Variants in C13orf42 observed in about 807,000 individuals in gnomAD.
The protein encoded by C13orf42 is uncharacterized protein C13orf42.
intron 1 of C13orf42, among the ~76,000 whole-genome samples, chr13:51,149,445 G>A (rs1031794041): frequency 6.6e-6 from 1 of 152,142 alleles, no homozygotes; most frequent in African/African-American, 2.4e-5. Context: ...CAAATGGAGT[G>A]AGCTAGAAAT....
intron 1 of C13orf42, chr13:51,171,928 A>G (rs575331778): frequency 1.3e-5 from 2 of 152,324 alleles, no homozygotes; most frequent in South Asian, 4.1e-4. Context: ...GATATTAAAT[A>G]AAACTCCAAA....
At chr13:51,145,892 T>C (rs966697720) in intron 1 of C13orf42, among the ~76,000 whole-genome samples, 15 of 152,194 alleles carry the variant, frequency 9.9e-5, no homozygotes, top group Admixed American at 6.5e-5. Flanking sequence ...CAAGTTGTGC[T>C]CTGACCACCT....
intron 1 of C13orf42, among the ~76,000 whole-genome samples, chr13:51,138,323 C>T (rs945321786): frequency 6.6e-6 from 1 of 152,110 alleles, no homozygotes; most frequent in Admixed American, 6.5e-5. Context: ...TGCACATTTG[C>T]GTGTAGGTTA....
intron 1 of C13orf42, among the ~76,000 whole-genome samples, chr13:51,097,502 A>G (rs1232460975): frequency 6.6e-6 from 1 of 151,942 alleles, no homozygotes; most frequent in African/African-American, 2.4e-5. Context: ...TCTGGATTGA[A>G]CTCATGCTGA....
At chr13:51,156,468 A>G (rs2138043538) in intron 1 of C13orf42, among the ~76,000 whole-genome samples, 1 of 152,338 alleles carries the variant, frequency 6.6e-6, no homozygotes, top group South Asian at 2.1e-4. Flanking sequence ...GAACTTACCC[A>G]CATTTACACA....
chr13:51,162,584 TG>T (rs150756767), intron 1 of C13orf42, among the ~76,000 whole-genome samples: 3 of 152,342 alleles, frequency 2.0e-5, no homozygotes, highest in East Asian at 3.9e-4. Context: ...CGGTAATTTT[TG>T]TTGGATACTG....
intron 1 of C13orf42, among the ~76,000 whole-genome samples, chr13:51,148,727 C>T (rs1207059599): frequency 6.6e-6 from 1 of 152,228 alleles, no homozygotes; most frequent in African/African-American, 2.4e-5. Context: ...GAAGAACAAA[C>T]CCCCTAACTG....
intron 1 of C13orf42, among the ~76,000 whole-genome samples, chr13:51,150,480 C>T (rs913061851): frequency 6.6e-6 from 1 of 152,234 alleles, no homozygotes; most frequent in Non-Finnish European, 1.5e-5. Context: ...TCTGTTAACA[C>T]ACTCCTCCGT....
chr13:51,161,045 T>C (rs192082147), intron 1 of C13orf42, among the ~76,000 whole-genome samples: 34 of 142,062 alleles, frequency 2.4e-4, no homozygotes, highest in African/African-American at 8.2e-4. Flanking sequence ...GTAGAATTAA[T>C]AAGAGAGTTC....
chr13:51,142,854 GT>G (rs1372261606), intron 1 of C13orf42, among the ~76,000 whole-genome samples: 1 of 152,044 alleles, frequency 6.6e-6, no homozygotes, highest in Non-Finnish European at 1.5e-5. Flanking sequence ...GTAACTGGTT[GT>G]TTAAAAAGGA....
intron 1 of C13orf42, among the ~76,000 whole-genome samples, chr13:51,160,035 T>C (rs1055943220): frequency 6.6e-6 from 1 of 152,106 alleles, no homozygotes; most frequent in Non-Finnish European, 1.5e-5. Flanking sequence ...ATCTCGAGAA[T>C]AGCATGGGAA....
At chr13:51,086,551 A>C (rs535533533) in intron 2 of C13orf42, among the ~76,000 whole-genome samples, 3 of 152,118 alleles carry the variant, frequency 2.0e-5, no homozygotes, top group African/African-American at 7.2e-5. Context: ...TCAAAAAGAC[A>C]TATCCCCAAA....
chr13:51,084,232 A>T lies in C13orf42; in HGVS notation c.897T>A (p.Pro299=). ...ELFALEPQLS[P]GEDYYETENP... ...TCTCTGTCTCATAGTAGTCCTCCCC[A>T]GGAGACAACTGGGGCTCCAACGCAA... The change falls in exon 4 of 4, where the codon CCT becomes CCA. Residue 299 remains proline, a synonymous_variant. Coordinates refer to ENST00000563710, the MANE Select transcript of C13orf42 (RefSeq NM_001351589.3). The T allele has an allele frequency of 2.5e-6, 1 of 398,742 alleles. No individual in the cohort carries two copies. The highest frequency in any genetic ancestry group is 3.6e-5 in the East Asian group (1 of 28,080). 24.7% of individuals were successfully genotyped at this position (398,742 alleles called of 1,614,324 possible). A position where few individuals can be genotyped will look rare whatever the true frequency, so the allele number is the denominator to read the frequency against.
intron 1 of C13orf42, among the ~76,000 whole-genome samples, chr13:51,139,281 C>G (rs1354830649): frequency 2.0e-5 from 3 of 152,094 alleles, no homozygotes; most frequent in Non-Finnish European, 4.4e-5. Context: ...CGCCACTGTA[C>G]TCCAGCCTGG....
intron 1 of C13orf42, among the ~76,000 whole-genome samples, chr13:51,148,831 T>C (rs1403695742): frequency 2.0e-5 from 3 of 152,316 alleles, no homozygotes; most frequent in African/African-American, 7.2e-5. Context: ...TATTGACCGT[T>C]TGGGCTTGCT....
intron 1 of C13orf42, among the ~76,000 whole-genome samples, chr13:51,136,122 G>A (rs979562244): frequency 4.6e-5 from 7 of 151,928 alleles, no homozygotes; most frequent in Non-Finnish European, 7.4e-5. Flanking sequence ...GCCTCCCACT[G>A]GGCGACCCCA....
chr13:51,164,709 T>G (rs4942968), intron 1 of C13orf42, among the ~76,000 whole-genome samples: 2 of 152,012 alleles, frequency 1.3e-5, no homozygotes, highest in Admixed American at 6.5e-5. Context: ...TTGAAAACCA[T>G]GAAATTATTT....
At chr13:51,106,828 G>A (rs1272195819) in intron 1 of C13orf42, among the ~76,000 whole-genome samples, 1 of 152,124 alleles carries the variant, frequency 6.6e-6, no homozygotes, top group African/African-American at 2.4e-5. Flanking sequence ...ATTATGCCCT[G>A]GGTTAGAAAT....
At chr13:51,136,301 C>G (rs767730350) in intron 1 of C13orf42, among the ~76,000 whole-genome samples, 6 of 152,158 alleles carry the variant, frequency 3.9e-5, no homozygotes, top group Admixed American at 1.3e-4. Context: ...CAACCCACCC[C>G]CAAAATAAGA....
Sources: allele counts gnomAD v4.1 joint callset (sites outside exome capture counted in the v4.1 genomes callset), GRCh38; gene constraint gnomAD v4.1.1; transcripts MANE v1.5; gene names NCBI Gene and HGNC (gene_info 2026-07-23, HGNC 2026-07-21).